SRRM4: variants seen among roughly 807,000 people sequenced by gnomAD.
SRRM4 encodes serine/arginine repetitive matrix 4.
Under a neutral mutation model 68.9 loss-of-function variants are expected in SRRM4, and 33 were observed. That is an observed-to-expected ratio of 0.48 (90% CI 0.36 to 0.64). The LOEUF (loss-of-function observed/expected upper bound fraction) is 0.64. Ranked by LOEUF, SRRM4 falls within the 30% of genes least tolerant of loss-of-function variation. SRRM4 has a pLI of 0.00. For missense variants in SRRM4, 817 were observed against 827.1 expected (o/e 0.99, Z 0.15); for synonymous variants, 318 against 318.8 (o/e 1.00, Z 0.03).
chr12:119,058,685 C>T (rs1305405258), intron 1 of SRRM4, among the ~76,000 whole-genome samples: 2 of 152,138 alleles, frequency 1.3e-5, no homozygotes, highest in East Asian at 3.9e-4. Context: ...TTTCCCCCTC[C>T]CCACTTCTTC....
chr12:119,026,539 T>C (rs1953549335), intron 1 of SRRM4, among the ~76,000 whole-genome samples: 1 of 151,904 alleles, frequency 6.6e-6, no homozygotes, highest in Admixed American at 6.6e-5. Context: ...TGTTTTTAAT[T>C]TTAATTTTTA....
chr12:119,059,563 C>T (rs1953798043), intron 1 of SRRM4, among the ~76,000 whole-genome samples: 1 of 152,052 alleles, frequency 6.6e-6, no homozygotes, highest in Non-Finnish European at 1.5e-5. Flanking sequence ...GGGCCTGGCC[C>T]ACATTAGGGA....
intron 2 of SRRM4, among the ~76,000 whole-genome samples, chr12:119,105,087 G>C (rs1007008653): frequency 2.0e-5 from 3 of 150,324 alleles, no homozygotes; most frequent in Non-Finnish European, 4.4e-5. Flanking sequence ...TTCTGTCCTT[G>C]TGATAGTTTG....
At chr12:118,989,814 C>T (rs1009048223) in intron 1 of SRRM4, 2 of 152,196 alleles carry the variant, frequency 1.3e-5, no homozygotes, top group Non-Finnish European at 2.9e-5. Context: ...GCTTAGATGC[C>T]GCTGTCGGAC....
intron 1 of SRRM4, among the ~76,000 whole-genome samples, chr12:119,005,095 A>G (rs1953408030): frequency 6.6e-6 from 1 of 152,250 alleles, no homozygotes; most frequent in Admixed American, 6.5e-5. Context: ...GGCTCACTGT[A>G]GGCCCCTAAA....
chr12:119,062,762 G>T (rs950999953), intron 1 of SRRM4, among the ~76,000 whole-genome samples: 6 of 152,166 alleles, frequency 3.9e-5, no homozygotes, highest in African/African-American at 1.4e-4. Flanking sequence ...TCTATGTATG[G>T]CTTGCCATTA....
chr12:119,104,741 C>A (rs1018984389), intron 2 of SRRM4, among the ~76,000 whole-genome samples: 1 of 151,848 alleles, frequency 6.6e-6, no homozygotes, highest in African/African-American at 2.4e-5. Flanking sequence ...CTTACTGCTG[C>A]ATACTTTACT....
At chr12:119,059,259 TATTC>T (rs139267945) in intron 1 of SRRM4, among the ~76,000 whole-genome samples, 1,870 of 152,174 alleles carry the variant, frequency 0.012, 47 homozygotes, top group African/African-American at 0.042. Flanking sequence ...ATGCTGCTTT[TATTC>T]ATTCATTCAT....
At chr12:119,037,145 G>A (rs1159705585) in intron 1 of SRRM4, among the ~76,000 whole-genome samples, 1 of 152,100 alleles carries the variant, frequency 6.6e-6, no homozygotes, top group African/African-American at 2.4e-5. Flanking sequence ...CCCAGTTCTT[G>A]GGTGGGTGGG....
intron 1 of SRRM4, among the ~76,000 whole-genome samples, chr12:119,009,155 A>T (rs1283287229): frequency 6.6e-6 from 1 of 152,208 alleles, no homozygotes; most frequent in Non-Finnish European, 1.5e-5. Context: ...GGCCCGCTGC[A>T]GCTGAACAGC....
intron 1 of SRRM4, among the ~76,000 whole-genome samples, chr12:119,018,344 A>C (rs12321836): frequency 0.28 from 42,229 of 152,062 alleles, 6,125 homozygotes; most frequent in Non-Finnish European, 0.31. Context: ...TTCCTTGTGC[A>C]AATTTGAGGG....
chr12:119,024,060 TG>T (rs1263607259), intron 1 of SRRM4, among the ~76,000 whole-genome samples: 1 of 152,220 alleles, frequency 6.6e-6, no homozygotes, highest in Non-Finnish European at 1.5e-5. Context: ...TGTGATTATT[TG>T]TTGAATGCCT....
At chr12:118,990,712 A>G (rs1484120259) in intron 1 of SRRM4, among the ~76,000 whole-genome samples, 1 of 152,146 alleles carries the variant, frequency 6.6e-6, no homozygotes, top group Non-Finnish European at 1.5e-5. Flanking sequence ...CCTCTTATCC[A>G]TTATCCACAT....
intron 1 of SRRM4, among the ~76,000 whole-genome samples, chr12:118,985,686 T>G (rs1953277796): frequency 6.6e-6 from 1 of 152,144 alleles, no homozygotes; most frequent in African/African-American, 2.4e-5. Flanking sequence ...AGAAGGGTAG[T>G]CATTTTGCCT....
At position 119,053,368 on chromosome 12, in the gene SRRM4, T is replaced by C. The variant is rs115840951; in HGVS notation, c.132-48868T>C. Among the ~76,000 whole-genome samples the C allele has an allele frequency of 8.8e-3, 1,339 of 152,328 alleles. 14 individuals are homozygous for C. Among genetic ancestry groups the C allele is most frequent in the African/African-American group, 0.019 (784 of 41,570 alleles). On this transcript the variant is annotated intron_variant, in intron 1 of 12. Transcript: ENST00000267260. ...AAATAATAATAAGCAAATAATAGTA[T>C]AGGAAACACATGCATAAATGGACAG...
At chr12:119,118,276 A>G (rs1000399487) in intron 4 of SRRM4, among the ~76,000 whole-genome samples, 1 of 152,222 alleles carries the variant, frequency 6.6e-6, no homozygotes, top group African/African-American at 2.4e-5. Context: ...TGATTTATAT[A>G]TTACTTTTGC....
intron 1 of SRRM4, among the ~76,000 whole-genome samples, chr12:119,015,738 C>T (rs1018234673): frequency 2.6e-5 from 4 of 151,844 alleles, no homozygotes; most frequent in African/African-American, 7.3e-5. Context: ...ACAAACAATA[C>T]GCAAATTCCT....
intron 8 of SRRM4, among the ~76,000 whole-genome samples, chr12:119,135,362 C>T (rs751890908): frequency 6.6e-6 from 1 of 152,196 alleles, no homozygotes; most frequent in Non-Finnish European, 1.5e-5. Context: ...TTCTTGCCTC[C>T]AGCCTGGGCC....
At chr12:119,012,160 C>T (rs777505410) in intron 1 of SRRM4, among the ~76,000 whole-genome samples, 58 of 152,138 alleles carry the variant, frequency 3.8e-4, no homozygotes, top group Non-Finnish European at 2.1e-4. Flanking sequence ...CTGGGATCAT[C>T]GTCTGGGAAT....
Sources: allele counts gnomAD v4.1 joint callset (sites outside exome capture counted in the v4.1 genomes callset), GRCh38; gene constraint gnomAD v4.1.1; transcripts MANE v1.5; gene names NCBI Gene and HGNC (gene_info 2026-07-23, HGNC 2026-07-21).